Variants in EFHC2 observed in about 807,000 individuals in gnomAD.
The protein encoded by EFHC2 is EF-hand domain containing 2.
EFHC2 carries 18 observed loss-of-function variants against 52.7 expected under a neutral mutation model. The observed-to-expected ratio is 0.34, with a 90% CI of 0.24 to 0.51. The LOEUF is 0.51. EFHC2 is among the 20% of genes least tolerant of loss of function. EFHC2 has a pLI of 0.97. For synonymous variants in EFHC2, 203 were observed against 204.1 expected (o/e 0.99, Z 0.04); for missense variants, 513 against 562.5 (o/e 0.91, Z 0.89).
At chrX:44,211,846 G>A (rs1384685919) in intron 11 of EFHC2, among the ~76,000 whole-genome samples, 1 of 86,762 alleles carries the variant, frequency 1.2e-5, no homozygotes, top group Non-Finnish European at 2.2e-5. Flanking sequence ...CAGCCTGGGC[G>A]ACAGAGCAAG....
At chrX:44,338,059 G>A (rs1215764325) in intron 1 of EFHC2, among the ~76,000 whole-genome samples, 2 of 111,597 alleles carry the variant, frequency 1.8e-5, no homozygotes, top group Non-Finnish European at 3.8e-5. Flanking sequence ...TGAGATTTGA[G>A]GTGATGAAAA....
chrX:44,191,258 A>T (rs1223604292), intron 11 of EFHC2, among the ~76,000 whole-genome samples: 3 of 110,683 alleles, frequency 2.7e-5, no homozygotes, highest in African/African-American at 9.9e-5. Context: ...TTTTTGAGAC[A>T]GAGTTTTACT....
At chrX:44,337,245 T>C (rs1434562613) in intron 1 of EFHC2, among the ~76,000 whole-genome samples, 1 of 111,776 alleles carries the variant, frequency 8.9e-6, no homozygotes, top group African/African-American at 3.2e-5. Flanking sequence ...AGTTTAACTA[T>C]CTGTTTTGGG....
At chrX:44,283,220 TC>T (rs769093263) in intron 2 of EFHC2, among the ~76,000 whole-genome samples, 1,372 of 111,229 alleles carry the variant, frequency 0.012, 22 homozygotes, top group African/African-American at 0.043. Context: ...TCTGGCTCTG[TC>T]CCCCAGGCTG....
At chrX:44,206,394 CAAA>C (rs2037049023) in intron 11 of EFHC2, among the ~76,000 whole-genome samples, 1 of 111,327 alleles carries the variant, frequency 9.0e-6, no homozygotes, top group Non-Finnish European at 1.9e-5. Flanking sequence ...AAAAGGCATC[CAAA>C]TAGGGAAAAA....
chrX:44,192,061 AGT>A (rs3037410), intron 11 of EFHC2, among the ~76,000 whole-genome samples: 7,453 of 95,059 alleles, frequency 0.078, 550 homozygotes, highest in African/African-American at 0.22. Flanking sequence ...CACATATGTA[AGT>A]GTGTGTGTGT....
At chrX:44,216,331 T>C (rs767026341) in intron 11 of EFHC2, among the ~76,000 whole-genome samples, 1 of 112,061 alleles carries the variant, frequency 8.9e-6, no homozygotes, top group African/African-American at 3.2e-5. Context: ...TTAGCTGAGA[T>C]ATCAGCTGGG....
intron 11 of EFHC2, among the ~76,000 whole-genome samples, chrX:44,213,229 G>T (rs983548417): frequency 9.0e-6 from 1 of 111,702 alleles, no homozygotes; most frequent in East Asian, 2.8e-4. Flanking sequence ...TAGACAATAT[G>T]CAAGAATAGA....
intron 8 of EFHC2, among the ~76,000 whole-genome samples, chrX:44,240,809 A>C (rs1186039377): frequency 2.7e-5 from 3 of 111,246 alleles, no homozygotes; most frequent in South Asian, 7.7e-4. Flanking sequence ...GAGACACAAT[A>C]ATTAGCATTT....
intron 2 of EFHC2, among the ~76,000 whole-genome samples, chrX:44,310,975 C>T (rs796209972): frequency 2.7e-5 from 3 of 112,081 alleles, no homozygotes; most frequent in Non-Finnish European, 5.6e-5. Context: ...TTGTGGCCTA[C>T]GATACTTATT....
chrX:44,329,773 GTAT>G (rs2038074908), intron 1 of EFHC2, among the ~76,000 whole-genome samples: 2 of 108,426 alleles, frequency 1.8e-5, no homozygotes, highest in South Asian at 8.3e-4. Context: ...GGGCTTTTTT[GTAT>G]TATTATTTTT....
intron 1 of EFHC2, among the ~76,000 whole-genome samples, chrX:44,314,525 T>TGTAGCTC (rs2037971130): frequency 1.8e-5 from 2 of 111,300 alleles, no homozygotes; most frequent in African/African-American, 6.5e-5. Context: ...ATGCAGTGGT[T>TGTAGCTC]AGGATGGTGA....
chrX:44,232,784 C>T, intron 9 of EFHC2, 107 bp from the exon 10 acceptor site: 9 of 671,580 alleles, frequency 1.3e-5, no homozygotes, highest in Non-Finnish European at 1.9e-5. Context: ...TATAAGTTAC[C>T]TGTGAACTCA....
At chrX:44,175,361 G>C (rs2036778129) in intron 13 of EFHC2, among the ~76,000 whole-genome samples, 2 of 111,604 alleles carry the variant, frequency 1.8e-5, no homozygotes, top group African/African-American at 6.5e-5. Context: ...TAGTGGAAAT[G>C]GAGAGGAGAG....
intron 1 of EFHC2, among the ~76,000 whole-genome samples, chrX:44,328,812 A>T (rs1602220437): frequency 9.0e-6 from 1 of 111,192 alleles, no homozygotes; most frequent in African/African-American, 3.3e-5. Flanking sequence ...AACCAGTCAA[A>T]CTGATTGCTG....
At chrX:44,277,258 C>CAAA (rs753856788) in intron 2 of EFHC2, among the ~76,000 whole-genome samples, 6 of 21,745 alleles carry the variant, frequency 2.8e-4, no homozygotes, top group East Asian at 1.3e-3. Flanking sequence ...GACTCCAGCT[C>CAAA]AAAAAAAAAA....
At chrX:44,194,069 G>C (rs928265393) in intron 11 of EFHC2, among the ~76,000 whole-genome samples, 1 of 111,599 alleles carries the variant, frequency 9.0e-6, no homozygotes, top group African/African-American at 3.3e-5. Flanking sequence ...GGAAGCCCCA[G>C]GGTAGACTTT....
chrX:44,314,738 G>C lies in EFHC2; in HGVS notation c.43-1982C>G, dbSNP rs1040382804. Among the ~76,000 whole-genome samples, 4 of 111,521 alleles carry C rather than the reference G, an allele frequency of 3.6e-5. No individual in the cohort carries two copies. The Admixed American group carries it at 3.8e-4, about 11-fold the overall frequency. On this transcript the variant is annotated intron_variant, in intron 1 of 14. Coordinates refer to ENST00000420999, the MANE Select transcript of EFHC2 (RefSeq NM_025184.4). Reference sequence around the variant, plus strand: ...AGAAAATGAATCGTAGAATAATATAGAATTCAATAATGATATACTGTCTCC... The same window carrying C: ...AGAAAATGAATCGTAGAATAATATACAATTCAATAATGATATACTGTCTCC...
At chrX:44,177,967 CAA>C (rs1189636481) in intron 12 of EFHC2, among the ~76,000 whole-genome samples, 1 of 93,277 alleles carries the variant, frequency 1.1e-5, no homozygotes. Context: ...ACTAAAAATA[CAA>C]AAAAAAAAAA....
Sources: allele counts gnomAD v4.1 joint callset (sites outside exome capture counted in the v4.1 genomes callset), GRCh38; gene constraint gnomAD v4.1.1; transcripts MANE v1.5; gene names NCBI Gene and HGNC (gene_info 2026-07-23, HGNC 2026-07-21).